Variants in P4HA2 observed in about 807,000 individuals in gnomAD.
The protein encoded by P4HA2 is prolyl 4-hydroxylase subunit alpha 2, also known as prolyl 4-hydroxylase subunit alpha-2.
In P4HA2, 46 loss-of-function variants were observed where a neutral mutation model predicts 76.9. The ratio of observed to expected loss-of-function variants is 0.60; its 90% confidence interval spans 0.47 to 0.76. The LOEUF (loss-of-function observed/expected upper bound fraction) is 0.76, where lower values mean the gene tolerates loss of function less well. Ranked by LOEUF, P4HA2 falls within the 30% of genes least tolerant of loss-of-function variation. The pLI is 0.00. For missense variants in P4HA2, 583 were observed against 669.4 expected (o/e 0.87, Z 1.42); for synonymous variants, 243 against 254.0 (o/e 0.96, Z 0.41).
At chr5:132,219,723 AC>A (rs765645031) in intron 1 of P4HA2, among the ~76,000 whole-genome samples, 27 of 152,202 alleles carry the variant, frequency 1.8e-4, no homozygotes, top group Non-Finnish European at 3.5e-4. Flanking sequence ...TCCCAAAAAA[AC>A]ATAAGCCTTA....
rs200200474 is a variant in P4HA2 at position 132,192,937 on chromosome 5, A to C, written c.*73T>G. On this transcript the variant is annotated 3_prime_UTR_variant, in exon 15 of 15. Transcript: ENST00000360568. ...AAAATCAGCCTGATAGGAACATACA[A>C]AGGAACATACAAAGGTGTCTGTCAC... 1 of 963,630 alleles carries C rather than the reference A, an allele frequency of 1.0e-6. No homozygotes were observed. Among genetic ancestry groups the C allele is most frequent in the Non-Finnish European group, 1.7e-6 (1 of 593,918 alleles). 59.7% of individuals were successfully genotyped at this position (963,630 alleles called of 1,614,324 possible).
intron 7 of P4HA2, among the ~76,000 whole-genome samples, chr5:132,208,089 C>A (rs888787942): frequency 2.6e-5 from 4 of 151,672 alleles, no homozygotes; most frequent in Non-Finnish European, 5.9e-5. Flanking sequence ...CAAAGGATAG[C>A]TTGAGACCAG....
At position 132,214,063 on chromosome 5, in the gene P4HA2, G is replaced by T. The variant is rs371114433; in HGVS notation, c.332-10C>A. The T allele has an allele frequency of 6.2e-7, 1 of 1,613,520 alleles. No individual in the cohort carries two copies. Among genetic ancestry groups the T allele is most frequent in the Admixed American group, 1.7e-5 (1 of 59,930 alleles). ...AGGTTGGCGATAAAACCTTCCAAAT[G>T]AGAGTCAGAACAAGAGATTACCCTT... On this transcript the variant is annotated splice_polypyrimidine_tract_variant and intron_variant, in intron 4 of 14. Transcript: ENST00000360568.
chr5:132,199,916 A>G (rs1429636107), intron 10 of P4HA2: 1 of 152,268 alleles, frequency 6.6e-6, no homozygotes, highest in African/African-American at 2.4e-5. Flanking sequence ...AACGTGGGAC[A>G]GAAGCCAGGC....
At chr5:132,203,126 G>A (rs1718108390) in intron 10 of P4HA2, among the ~76,000 whole-genome samples, 1 of 152,190 alleles carries the variant, frequency 6.6e-6, no homozygotes, top group Non-Finnish European at 1.5e-5. Context: ...CCCTCACTGT[G>A]GAAATACTTA....
At chr5:132,226,240 T>C (rs1394859967) in intron 1 of P4HA2, among the ~76,000 whole-genome samples, 2 of 152,130 alleles carry the variant, frequency 1.3e-5, no homozygotes, top group Non-Finnish European at 2.9e-5. Flanking sequence ...TATAAATTCT[T>C]AGGTGGACAA....
intron 12 of P4HA2, chr5:132,197,909 G>A (rs941795804): frequency 6.1e-5 from 39 of 642,772 alleles, no homozygotes; most frequent in African/African-American, 4.8e-4. Context: ...CCACTGAACC[G>A]TACATTTAAA....
At chr5:132,221,747 T>C (rs1754672901) in intron 1 of P4HA2, among the ~76,000 whole-genome samples, 1 of 152,370 alleles carries the variant, frequency 6.6e-6, no homozygotes, top group South Asian at 2.1e-4. Context: ...TTTTATCATA[T>C]GCTTAAAATG....
At chr5:132,226,933 T>C (rs1290658466) in intron 1 of P4HA2, 4 of 152,630 alleles carry the variant, frequency 2.6e-5, no homozygotes, top group African/African-American at 4.8e-5. Context: ...CCCACTCACA[T>C]AGGCTGTTCC....
At chr5:132,193,806 A>C (rs1338011634) in intron 14 of P4HA2, among the ~76,000 whole-genome samples, 6 of 152,184 alleles carry the variant, frequency 3.9e-5, no homozygotes, top group African/African-American at 1.4e-4. Flanking sequence ...TGTTCCTCAC[A>C]GACTCTCTCA....
At chr5:132,218,142 A>G (rs1754180603) in intron 2 of P4HA2, among the ~76,000 whole-genome samples, 1 of 152,212 alleles carries the variant, frequency 6.6e-6, no homozygotes, top group South Asian at 2.1e-4. Context: ...ATAGCTGGTC[A>G]TGACACTGGG....
chr5:132,200,094 C>G (rs1232693539), intron 10 of P4HA2: 4 of 152,540 alleles, frequency 2.6e-5, no homozygotes, highest in Non-Finnish European at 5.9e-5. Flanking sequence ...CCCAGCTACT[C>G]AGGAAGCTGA....
chr5:132,204,169 G>T lies in P4HA2; in HGVS notation c.1081-17C>A. 1.3e-6 allele frequency: 2 copies of T among 1,594,440 alleles called. No individual in the cohort carries two copies. Among genetic ancestry groups the T allele is most frequent in the Non-Finnish European group, 1.7e-6 (2 of 1,161,838 alleles). ...TCGTGCAAGCTAGAAGGAAGGAGGA[G>T]AGGGAAGACTTGATTTGTTTGTTTG... On this transcript the variant is annotated splice_polypyrimidine_tract_variant and intron_variant, in intron 8 of 14. Transcript: ENST00000360568.
chr5:132,206,347 A>G (rs1040285511), intron 8 of P4HA2, among the ~76,000 whole-genome samples: 4 of 152,116 alleles, frequency 2.6e-5, no homozygotes, highest in African/African-American at 9.7e-5. Context: ...CCCCTTCCTC[A>G]GCCACATCGA....
intron 1 of P4HA2, among the ~76,000 whole-genome samples, chr5:132,219,978 C>T (rs1437241326): frequency 6.6e-6 from 1 of 152,240 alleles, no homozygotes; most frequent in African/African-American, 2.4e-5. Flanking sequence ...CAAATGTCTG[C>T]AGAGCTGACA....
intron 5 of P4HA2, among the ~76,000 whole-genome samples, chr5:132,210,927 T>C (rs1234154455): frequency 6.6e-6 from 1 of 152,028 alleles, no homozygotes; most frequent in African/African-American, 2.4e-5. Context: ...AACATAAATT[T>C]AGGTGGCAAC....
chr5:132,225,977 G>A (rs987698578), intron 1 of P4HA2, among the ~76,000 whole-genome samples: 5 of 152,104 alleles, frequency 3.3e-5, no homozygotes, highest in South Asian at 2.1e-4. Context: ...GTGGACACTC[G>A]GCTGTGTAAG....
At chr5:132,219,747 C>A (rs564666284) in intron 1 of P4HA2, among the ~76,000 whole-genome samples, 1 of 152,244 alleles carries the variant, frequency 6.6e-6, no homozygotes, top group African/African-American at 2.4e-5. Flanking sequence ...TGACAGAATT[C>A]TAAGTCTAAG....
intron 6 of P4HA2, among the ~76,000 whole-genome samples, chr5:132,209,770 C>CAA (rs10656798): frequency 0.4 from 38,262 of 94,568 alleles, 8,006 homozygotes; most frequent in Non-Finnish European, 0.48. Flanking sequence ...GACTCTGTCT[C>CAA]AAAAAAAAAA....
Sources: gnomAD v4.1 joint callset for allele counts (sites outside exome capture counted in the v4.1 genomes callset) on GRCh38, gnomAD v4.1.1 for gene constraint, MANE v1.5 for transcripts, NCBI Gene and HGNC (gene_info 2026-07-23, HGNC 2026-07-21) for gene names.